Variants in GLIS3 observed in about 807,000 individuals in gnomAD.
GLIS3 encodes the protein zinc finger protein GLIS3.
A neutral mutation model predicts 78.6 loss-of-function variants in GLIS3; 53 were observed. That is an observed-to-expected ratio of 0.67 (90% CI 0.54 to 0.85). GLIS3 has a LOEUF of 0.85. GLIS3 is among the 40% of genes least tolerant of loss of function. The pLI, the probability that GLIS3 is intolerant of heterozygous loss-of-function variation, is 0.00. For synonymous variants in GLIS3, 684 were observed against 509.9 expected, an observed-to-expected ratio of 1.34 and a Z score of -4.60; for missense variants, 1,703 against 1,231.1, an observed-to-expected ratio of 1.38 and a Z score of -5.74.
chr9:4,088,268 G>T (rs1313741180), intron 4 of GLIS3, among the ~76,000 whole-genome samples: 1 of 152,234 alleles, frequency 6.6e-6, no homozygotes, highest in African/African-American at 2.4e-5. Flanking sequence ...TTTGGGAGAA[G>T]GCATTGGTTT....
At chr9:4,179,590 T>A (rs897508400) in intron 2 of GLIS3, among the ~76,000 whole-genome samples, 1 of 152,148 alleles carries the variant, frequency 6.6e-6, no homozygotes, top group Non-Finnish European at 1.5e-5. Context: ...AGAAGAAATA[T>A]AAGCCTTTAA....
chr9:4,318,448 G>T (rs568239429), intron 2 of GLIS3, among the ~76,000 whole-genome samples: 2 of 152,238 alleles, frequency 1.3e-5, no homozygotes, highest in African/African-American at 4.8e-5. Flanking sequence ...AAAGCGAGCC[G>T]TAAGCATCTT....
chr9:4,483,805 G>A, the GLIS3 span, among the ~76,000 whole-genome samples: 1 of 151,296 alleles, frequency 6.6e-6, no homozygotes, highest in East Asian at 1.9e-4. Context: ...TTCTCCTCCT[G>A]TTACTGACAG....
chr9:4,485,915 G>A, the GLIS3 span, among the ~76,000 whole-genome samples: 13 of 152,098 alleles, frequency 8.5e-5, 1 homozygote, highest in East Asian at 5.8e-4. Flanking sequence ...CAGAGATGGC[G>A]TTTCACTATG....
At chr9:3,933,488 G>A (rs546224768) in intron 5 of GLIS3, among the ~76,000 whole-genome samples, 1 of 152,154 alleles carries the variant, frequency 6.6e-6, no homozygotes, top group Non-Finnish European at 1.5e-5. Flanking sequence ...TCAGTTGTGA[G>A]ATAAATCAAA....
At chr9:4,384,918 C>T in the GLIS3 span, among the ~76,000 whole-genome samples, 2 of 151,788 alleles carry the variant, frequency 1.3e-5, no homozygotes, top group Non-Finnish European at 2.9e-5. Flanking sequence ...ACATTGGGTC[C>T]TAACTGTCAT....
At chr9:4,459,606 A>T in the GLIS3 span, among the ~76,000 whole-genome samples, 1 of 152,172 alleles carries the variant, frequency 6.6e-6, no homozygotes, top group African/African-American at 2.4e-5. Context: ...ACTAGAAAAA[A>T]TTTTAAAAAT....
At chr9:4,404,384 T>C in the GLIS3 span, among the ~76,000 whole-genome samples, 5 of 152,160 alleles carry the variant, frequency 3.3e-5, no homozygotes, top group Non-Finnish European at 7.4e-5. Flanking sequence ...TAATGAGTAG[T>C]CACAAAACAT....
chr9:4,063,318 T>C (rs1477739856), intron 4 of GLIS3, among the ~76,000 whole-genome samples: 1 of 152,138 alleles, frequency 6.6e-6, no homozygotes, highest in Non-Finnish European at 1.5e-5. Context: ...TTTTTATGGG[T>C]ATGTAACAAA....
intron 2 of GLIS3, among the ~76,000 whole-genome samples, chr9:4,318,868 G>A (rs1037066515): frequency 2.0e-5 from 3 of 152,180 alleles, no homozygotes; most frequent in Admixed American, 1.3e-4. Flanking sequence ...GATTGCAAAG[G>A]GGGGAAGTTC....
chr9:4,000,704 C>A (rs186190741), intron 4 of GLIS3, among the ~76,000 whole-genome samples: 2 of 152,294 alleles, frequency 1.3e-5, no homozygotes. Flanking sequence ...CATCAGCCCT[C>A]CAGTTACCTT....
intron 4 of GLIS3, among the ~76,000 whole-genome samples, chr9:4,083,656 G>C (rs928148317): frequency 6.6e-6 from 1 of 152,116 alleles, no homozygotes; most frequent in Non-Finnish European, 1.5e-5. Flanking sequence ...CTGAAGATGT[G>C]TATGACAATG....
intron 7 of GLIS3, chr9:3,898,360 T>C: frequency 2.7e-6 from 1 of 364,604 alleles, no homozygotes; most frequent in South Asian, 2.4e-5. Context: ...CGCAGCCTGC[T>C]ACCTGCTTAA....
At chr9:4,252,505 T>C (rs1167892037) in intron 2 of GLIS3, among the ~76,000 whole-genome samples, 3 of 152,158 alleles carry the variant, frequency 2.0e-5, no homozygotes, top group Admixed American at 2.0e-4. Flanking sequence ...GCAATTCCTC[T>C]AACCTTTTTT....
chr9:4,285,907 C>G (rs777824452), intron 2 of GLIS3, 131 bp downstream of exon 2: 4 of 1,127,100 alleles, frequency 3.5e-6, no homozygotes, highest in Non-Finnish European at 5.3e-6. Flanking sequence ...AGCTATATAT[C>G]ATTATGAGAC....
At chr9:3,956,957 C>T (rs1272387065) in intron 4 of GLIS3, among the ~76,000 whole-genome samples, 2 of 152,194 alleles carry the variant, frequency 1.3e-5, no homozygotes, top group Non-Finnish European at 2.9e-5. Flanking sequence ...CATATCTTCC[C>T]TGGCAAATCG....
intron 9 of GLIS3, among the ~76,000 whole-genome samples, chr9:3,844,848 T>G (rs1263077040): frequency 1.1e-4 from 17 of 152,148 alleles, no homozygotes. Flanking sequence ...AAAGGAAAAA[T>G]TAAAGCAAGT....
chr9:3,859,527 A>C (rs1268709822), intron 8 of GLIS3, among the ~76,000 whole-genome samples: 1 of 152,192 alleles, frequency 6.6e-6, no homozygotes, highest in Non-Finnish European at 1.5e-5. Flanking sequence ...GCCGAGGATA[A>C]ATTATAGTTA....
intron 4 of GLIS3, among the ~76,000 whole-genome samples, chr9:3,994,178 T>C (rs374782222): frequency 3.1e-4 from 47 of 152,228 alleles, no homozygotes; most frequent in African/African-American, 1.1e-3. Flanking sequence ...TCGGATCATA[T>C]AAATCTGCCT....
Sources: allele counts gnomAD v4.1 joint callset (sites outside exome capture counted in the v4.1 genomes callset), GRCh38; gene constraint gnomAD v4.1.1; transcripts MANE v1.5; gene names NCBI Gene and HGNC (gene_info 2026-07-23, HGNC 2026-07-21).